TBC1D1: variants seen among roughly 807,000 people sequenced by gnomAD.
TBC1D1 encodes TBC1 (tre-2/USP6, BUB2, cdc16) domain family, member 1.
In TBC1D1, 89 loss-of-function variants were observed where a neutral mutation model predicts 125.6. That is an observed-to-expected ratio of 0.71 (90% CI 0.60 to 0.85). TBC1D1 has a LOEUF of 0.85. Ranked by LOEUF, TBC1D1 falls within the 40% of genes least tolerant of loss-of-function variation. TBC1D1 has a pLI of 0.00. For missense variants in TBC1D1, 1,377 were observed against 1,469.2 expected (o/e 0.94, Z 1.03); for synonymous variants, 565 against 564.1 (o/e 1.00, Z -0.02).
At chr4:38,066,177 G>A (rs574672421) in intron 12 of TBC1D1, among the ~76,000 whole-genome samples, 67 of 151,982 alleles carry the variant, frequency 4.4e-4, no homozygotes, top group African/African-American at 1.6e-3. Flanking sequence ...CTGTGTTAGT[G>A]TGAAGGAATG....
At chr4:37,991,512 G>A (rs1301061596) in intron 2 of TBC1D1, among the ~76,000 whole-genome samples, 1 of 152,194 alleles carries the variant, frequency 6.6e-6, no homozygotes, top group Non-Finnish European at 1.5e-5. Context: ...GGGCACCACA[G>A]CCCTTTACAG....
intron 2 of TBC1D1, among the ~76,000 whole-genome samples, chr4:37,905,278 A>G (rs1281284208): frequency 6.6e-6 from 1 of 152,268 alleles, no homozygotes; most frequent in Non-Finnish European, 1.5e-5. Flanking sequence ...TTCTCAAGAT[A>G]AACTTTATCA....
chr4:37,978,385 G>T (rs1005583264), intron 2 of TBC1D1, among the ~76,000 whole-genome samples: 5 of 152,204 alleles, frequency 3.3e-5, no homozygotes, highest in Non-Finnish European at 7.3e-5. Context: ...CCTTCCCAGG[G>T]CTTGTTTCCT....
intron 14 of TBC1D1, among the ~76,000 whole-genome samples, chr4:38,102,512 G>A (rs554391921): frequency 5.7e-4 from 87 of 152,110 alleles, no homozygotes; most frequent in Non-Finnish European, 4.1e-4. Context: ...GAGAATAGGG[G>A]GTGGAAGTAG....
chr4:37,907,833 C>G (rs1717658919), intron 2 of TBC1D1, among the ~76,000 whole-genome samples: 1 of 152,202 alleles, frequency 6.6e-6, no homozygotes, highest in Admixed American at 6.5e-5. Context: ...AGTTCTTCAG[C>G]CTTGTCTCTT....
intron 19 of TBC1D1, among the ~76,000 whole-genome samples, chr4:38,135,308 T>A (rs1324465071): frequency 1.3e-5 from 2 of 152,208 alleles, no homozygotes; most frequent in African/African-American, 4.8e-5. Context: ...TTCTACCACC[T>A]CTTTTGTTCA....
At chr4:37,963,670 T>C (rs1312397106) in intron 2 of TBC1D1, among the ~76,000 whole-genome samples, 1 of 152,310 alleles carries the variant, frequency 6.6e-6, no homozygotes, top group East Asian at 1.9e-4. Context: ...AAAATACCCA[T>C]TTATGTACTT....
chr4:38,054,383 C>G, intron 12 of TBC1D1, 45 bp downstream of exon 14: 1 of 1,609,932 alleles, frequency 6.2e-7, no homozygotes, highest in Non-Finnish European at 8.5e-7. Context: ...AGCACGCTGA[C>G]AGAGGACCCT....
chr4:38,123,961 C>G (rs1005273628), intron 17 of TBC1D1, among the ~76,000 whole-genome samples: 1 of 152,160 alleles, frequency 6.6e-6, no homozygotes. Context: ...GAGAGGCACC[C>G]TGCAAGGTTA....
In TBC1D1 at chr4:38,014,841, G is replaced by T. The variant is rs1265331025; in HGVS notation, c.750G>T (p.Leu250=). The change falls in exon 3 of 20, where the codon CTG becomes CTT. Residue 250 remains leucine, a synonymous_variant. Transcript: ENST00000261439. The surrounding 1 kb of genome is among the most constrained non-coding windows in gnomAD (Gnocchi z 5.1). ...GCTCGCTGGCCTTTAGGAAGGAGCT[G>T]CAGGATGGGGGCCTCCGAAGCAGCG... The T allele has an allele frequency of 6.2e-7, 1 of 1,612,302 alleles. No individual in the cohort carries two copies. Among genetic ancestry groups the T allele is most frequent in the Admixed American group, 1.7e-5 (1 of 59,984 alleles).
intron 2 of TBC1D1, among the ~76,000 whole-genome samples, chr4:37,940,217 TCTC>T (rs1725262320): frequency 6.6e-6 from 1 of 152,174 alleles, no homozygotes; most frequent in African/African-American, 2.4e-5. Context: ...GGTTTGTAGT[TCTC>T]CTTGAAGAGG....
At chr4:37,945,914 G>T (rs1419419950) in intron 2 of TBC1D1, among the ~76,000 whole-genome samples, 2 of 152,228 alleles carry the variant, frequency 1.3e-5, no homozygotes, top group Non-Finnish European at 2.9e-5. Flanking sequence ...AGTCAGCTGT[G>T]ATTCATCTGA....
intron 2 of TBC1D1, among the ~76,000 whole-genome samples, chr4:37,968,982 T>C (rs1731558291): frequency 6.6e-6 from 1 of 152,216 alleles, no homozygotes; most frequent in Non-Finnish European, 1.5e-5. Context: ...GCTTGGCTTA[T>C]GGAGTTAAAG....
chr4:38,027,930 C>G, intron 7 of TBC1D1, 51 bp downstream of exon 7: 4 of 1,362,978 alleles, frequency 2.9e-6, no homozygotes, highest in Non-Finnish European at 4.1e-6. Context: ...AGGCAGCTTA[C>G]CTGGGAAATG....
intron 12 of TBC1D1, among the ~76,000 whole-genome samples, chr4:38,057,894 G>A (rs1357219218): frequency 2.0e-5 from 3 of 152,174 alleles, no homozygotes; most frequent in African/African-American, 7.2e-5. Context: ...TCTCTGAACT[G>A]TGCACAGCAC....
At chr4:37,952,234 C>T (rs1728035028) in intron 2 of TBC1D1, 3 of 598,244 alleles carry the variant, frequency 5.0e-6, no homozygotes, top group East Asian at 5.6e-5. Flanking sequence ...TTCGCTGAGT[C>T]TGTGCGGAAA....
intron 12 of TBC1D1, among the ~76,000 whole-genome samples, chr4:38,062,749 CACTG>C (rs1387526724): frequency 6.6e-6 from 1 of 152,036 alleles, no homozygotes; most frequent in Non-Finnish European, 1.5e-5. Flanking sequence ...TGTGAGTTAA[CACTG>C]ACTGAGCTTT....
At chr4:37,968,769 AG>A (rs1731512905) in intron 2 of TBC1D1, among the ~76,000 whole-genome samples, 1 of 151,012 alleles carries the variant, frequency 6.6e-6, no homozygotes, top group African/African-American at 2.5e-5. Flanking sequence ...AGAGAAAGTG[AG>A]CCATGTAGAC....
chr4:37,990,754 G>T (rs1461253234), intron 2 of TBC1D1, among the ~76,000 whole-genome samples: 1 of 152,134 alleles, frequency 6.6e-6, no homozygotes, highest in Non-Finnish European at 1.5e-5. Context: ...AAAGAACATC[G>T]TACCAAAGTT....
Sources: allele counts gnomAD v4.1 joint callset (sites outside exome capture counted in the v4.1 genomes callset), GRCh38; gene constraint gnomAD v4.1.1; non-coding constraint Gnocchi (gnomAD v3.1); transcripts MANE v1.5; gene names NCBI Gene and HGNC (gene_info 2026-07-23, HGNC 2026-07-21).